Variants in SIK3 observed in about 807,000 individuals in gnomAD.
SIK3 encodes SIK family kinase 3, also known as serine/threonine-protein kinase SIK3.
In SIK3, 28 loss-of-function variants were observed where a neutral mutation model predicts 144.2. That is an observed-to-expected ratio of 0.19 (90% CI 0.14 to 0.27). The LOEUF (loss-of-function observed/expected upper bound fraction) is 0.27, where lower values mean the gene tolerates loss of function less well. SIK3 is among the 10% of genes least tolerant of loss of function. The pLI, the probability that SIK3 is intolerant of heterozygous loss-of-function variation, is 1.00. For synonymous variants in SIK3, 686 were observed against 676.3 expected (o/e 1.01, Z -0.22); for missense variants, 1,319 against 1,776.0 (o/e 0.74, Z 4.62).
intron 1 of SIK3, among the ~76,000 whole-genome samples, chr11:117,034,077 A>T (rs1201310541): frequency 1.3e-5 from 2 of 152,206 alleles, no homozygotes; most frequent in Non-Finnish European, 1.5e-5. Flanking sequence ...AAAAACAGTA[A>T]GCACAAAAAG....
chr11:117,009,553 CA>C (rs528305621), intron 1 of SIK3, among the ~76,000 whole-genome samples: 22 of 130,996 alleles, frequency 1.7e-4, no homozygotes, highest in Admixed American at 2.3e-4. Flanking sequence ...AAGCAGGTCT[CA>C]AAAAAAAAAA....
At chr11:116,955,366 C>A (rs1366894888) in intron 2 of SIK3, among the ~76,000 whole-genome samples, 1 of 152,112 alleles carries the variant, frequency 6.6e-6, no homozygotes, top group East Asian at 1.9e-4. Flanking sequence ...CCACTGCACT[C>A]CAGCCCGGGC....
intron 1 of SIK3, among the ~76,000 whole-genome samples, chr11:117,068,822 G>A (rs1462512533): frequency 1.3e-5 from 2 of 152,134 alleles, no homozygotes; most frequent in Admixed American, 6.5e-5. Context: ...CTTATGTTTG[G>A]CCAGAACTAT....
At chr11:117,091,697 C>G (rs1282323937) in intron 1 of SIK3, among the ~76,000 whole-genome samples, 2 of 152,192 alleles carry the variant, frequency 1.3e-5, no homozygotes, top group African/African-American at 2.4e-5. Flanking sequence ...GTTGTTAAAA[C>G]TGAACTCCTC....
chr11:117,005,897 T>C (rs1038798747), intron 1 of SIK3, among the ~76,000 whole-genome samples: 1 of 152,076 alleles, frequency 6.6e-6, no homozygotes, highest in Non-Finnish European at 1.5e-5. Flanking sequence ...ACTGCAGTTA[T>C]TAGTGAACAG....
chr11:116,977,540 A>T (rs1262750548), intron 1 of SIK3, among the ~76,000 whole-genome samples: 3 of 152,142 alleles, frequency 2.0e-5, no homozygotes, highest in African/African-American at 7.2e-5. Context: ...GTCTGTGTGT[A>T]ATTATTGGGT....
intron 3 of SIK3, among the ~76,000 whole-genome samples, chr11:116,947,531 A>ATGTATGTATGTATGTATG (rs1555107760): frequency 1.3e-4 from 16 of 125,014 alleles, no homozygotes; most frequent in East Asian, 4.3e-4. Flanking sequence ...ATATATATAT[A>ATGTATGTATGTATGTATG]TATGTATGTA....
In SIK3 at chr11:117,001,351, C is replaced by T. The variant is rs1359372544; in HGVS notation, c.274-44287G>A. Among the ~76,000 whole-genome samples the T allele has an allele frequency of 3.3e-5, 5 of 152,074 alleles. 1 individual carries two copies. Among genetic ancestry groups the T allele is most frequent in the Admixed American group, 2.6e-4 (4 of 15,260 alleles). On this transcript the variant is annotated intron_variant, in intron 1 of 24. Coordinates refer to ENST00000445177, the MANE Select transcript of SIK3 (RefSeq NM_001366686.3). ...TGAAACCCCATCTCTACTAAAACTA[C>T]AAAAATTAGCCAGGCATGGCGGTGT...
rs139526956 is a variant in SIK3, at chr11:117,061,016, G to A, written c.273+37127C>T. ...AATATCAGAACTTTTGGAGGCTGAG[G>A]TGAAGGGATCGCTTGAGGCCAGGAG... On this transcript the variant is annotated intron_variant, in intron 1 of 24. Coordinates refer to ENST00000445177, the MANE Select transcript of SIK3 (RefSeq NM_001366686.3). Among the ~76,000 whole-genome samples, 9 of 152,318 alleles carry A rather than the reference G, an allele frequency of 5.9e-5. No individual in the cohort carries two copies. In the East Asian group the frequency reaches 1.3e-3, roughly 23 times the overall value.
chr11:116,935,511 T>C (rs955263183), intron 3 of SIK3, among the ~76,000 whole-genome samples: 1 of 152,190 alleles, frequency 6.6e-6, no homozygotes, highest in African/African-American at 2.4e-5. Context: ...TGTTTTCTTA[T>C]GGCTTCTTAA....
At chr11:116,937,037 T>C (rs1210205686) in intron 3 of SIK3, among the ~76,000 whole-genome samples, 2 of 152,242 alleles carry the variant, frequency 1.3e-5, no homozygotes, top group African/African-American at 2.4e-5. Flanking sequence ...AATTTGTGTC[T>C]AATGACATTT....
At chr11:116,998,096 C>G (rs1950729206) in intron 1 of SIK3, among the ~76,000 whole-genome samples, 3 of 151,960 alleles carry the variant, frequency 2.0e-5, no homozygotes, top group Admixed American at 2.0e-4. Context: ...TCAAGTGATC[C>G]TCCTGCCTCA....
chr11:116,942,436 T>C (rs866980093), intron 3 of SIK3, among the ~76,000 whole-genome samples: 4 of 152,210 alleles, frequency 2.6e-5, no homozygotes, highest in Admixed American at 6.5e-5. Context: ...ACAAAGTCTT[T>C]AATGGCACGT....
At chr11:116,869,841 T>C (rs1195052769) in intron 14 of SIK3, 2 of 287,364 alleles carry the variant, frequency 7.0e-6, no homozygotes, top group African/African-American at 4.4e-5. Flanking sequence ...TTTTTCAATA[T>C]CTCTTTGTTG....
At chr11:116,972,639 G>A (rs1310278653) in intron 1 of SIK3, among the ~76,000 whole-genome samples, 1 of 152,064 alleles carries the variant, frequency 6.6e-6, no homozygotes, top group Non-Finnish European at 1.5e-5. Context: ...CTTACTGGAT[G>A]CAGTCCTACT....
intron 1 of SIK3, among the ~76,000 whole-genome samples, chr11:117,008,193 G>A (rs1182075359): frequency 6.6e-6 from 1 of 151,308 alleles, no homozygotes; most frequent in Non-Finnish European, 1.5e-5. Context: ...AAAACAAGTA[G>A]GCAATTTTGC....
At chr11:117,056,123 G>T (rs1193098826) in intron 1 of SIK3, among the ~76,000 whole-genome samples, 1 of 152,166 alleles carries the variant, frequency 6.6e-6, no homozygotes, top group Non-Finnish European at 1.5e-5. Flanking sequence ...AATGGAAAAG[G>T]ATTAGTTAAT....
intron 1 of SIK3, among the ~76,000 whole-genome samples, chr11:117,086,850 C>A (rs1213519139): frequency 6.6e-6 from 1 of 151,922 alleles, no homozygotes; most frequent in Non-Finnish European, 1.5e-5. Context: ...CAAAAATTAG[C>A]CAGGTGTGGT....
At chr11:116,863,187 G>T (rs1244903814) in intron 16 of SIK3, among the ~76,000 whole-genome samples, 1 of 152,202 alleles carries the variant, frequency 6.6e-6, no homozygotes, top group African/African-American at 2.4e-5. Context: ...CTTCACAGGG[G>T]AAGGAAGTTT....
Sources: allele counts gnomAD v4.1 joint callset (sites outside exome capture counted in the v4.1 genomes callset), GRCh38; gene constraint gnomAD v4.1.1; transcripts MANE v1.5; gene names NCBI Gene and HGNC (gene_info 2026-07-23, HGNC 2026-07-21).